TTC21A: variants seen among roughly 807,000 people sequenced by gnomAD.
TTC21A encodes the protein tetratricopeptide repeat domain 21A.
TTC21A carries 128 observed loss-of-function variants against 156.4 expected under a neutral mutation model. The ratio of observed to expected loss-of-function variants is 0.82; its 90% CI spans 0.71 to 0.95. The LOEUF (loss-of-function observed/expected upper bound fraction) is 0.95. Ranked by LOEUF, TTC21A falls within the 40% of genes least tolerant of loss-of-function variation. TTC21A has a pLI of 0.00. For missense variants in TTC21A, 1,435 were observed against 1,602.3 expected, an observed-to-expected ratio of 0.90 and a Z score of 1.78; for synonymous variants, 587 against 617.1, an observed-to-expected ratio of 0.95 and a Z score of 0.72.
chr3:39,109,164 G>T lies in TTC21A; in HGVS notation c.107G>T (p.Ser36Ile). The T allele has an allele frequency of 1.2e-6, 2 of 1,614,162 alleles. No individual in the cohort carries two copies. The highest frequency in any genetic ancestry group is 1.7e-6 in the Non-Finnish European group (2 of 1,180,000). ...QAAAVGLEKF[S>I]NDPVLKFFKA... Reference sequence around the variant, plus strand: ...GCAGCTGTGGGCCTGGAAAAATTCAGCAATGACCCTGTGTTGAAGTTCTTT... The same window carrying T: ...GCAGCTGTGGGCCTGGAAAAATTCATCAATGACCCTGTGTTGAAGTTCTTT... The change falls in exon 2 of 29, where the codon AGC becomes ATC. Residue 36 changes from serine (S) to isoleucine (I), a missense_variant. By Grantham distance (142) the Ser-to-Ile change is moderately radical. Transcript: ENST00000683103.
intron 9 of TTC21A, among the ~76,000 whole-genome samples, chr3:39,122,536 C>T (rs1056981112): frequency 3.3e-5 from 5 of 152,114 alleles, no homozygotes; most frequent in Non-Finnish European, 7.4e-5. Context: ...CTAAAAAAGA[C>T]GAGCTCAGGG....
chr3:39,110,592 C>T (rs1041107172), intron 3 of TTC21A, among the ~76,000 whole-genome samples: 2 of 152,254 alleles, frequency 1.3e-5, no homozygotes, highest in African/African-American at 2.4e-5. Context: ...GCTCAGCACA[C>T]TGCTGGGCAC....
At chr3:39,136,125 C>T (rs749650492) in intron 22 of TTC21A, 21 of 400,316 alleles carry the variant, frequency 5.2e-5, no homozygotes, top group Non-Finnish European at 9.3e-5. Context: ...GCACTTAATA[C>T]CAGGTACAAT....
chr3:39,127,909 C>G (rs1559698799), intron 12 of TTC21A, among the ~76,000 whole-genome samples: 1 of 152,218 alleles, frequency 6.6e-6, no homozygotes. Flanking sequence ...ATAAATCAGA[C>G]TTTCTAAAGT....
At position 39,134,388 on chromosome 3, in the gene TTC21A, G is replaced by T; in HGVS notation, c.2862+60G>T. On this transcript the variant is annotated intron_variant, in intron 21 of 28. Coordinates refer to ENST00000683103, the MANE Select transcript of TTC21A (RefSeq NM_001366900.1). The surrounding 1 kb of genome is among the most constrained non-coding windows in gnomAD (Gnocchi z 4.6). ...CTTCCTCCCTTCCCAGGGTCCCTGT[G>T]ACCAGATGCAGGCTACTTCCTAGCC... is the stretch of plus-strand genomic sequence containing the variant. 8.2e-7 allele frequency: 1 copy of T among 1,214,532 alleles called. No homozygotes were observed. The highest frequency in any genetic ancestry group is 1.2e-5 in the South Asian group (1 of 83,258). 75.2% of individuals were successfully genotyped at this position (1,214,532 alleles called of 1,614,324 possible). A position where few individuals can be genotyped will look rare whatever the true frequency, so the allele number is the denominator to read the frequency against.
chr3:39,119,818 T>G (rs143126270), intron 7 of TTC21A, 104 bp from the exon 8 acceptor site: 1 of 783,594 alleles, frequency 1.3e-6, no homozygotes, highest in African/African-American at 1.8e-5. Context: ...ATGGGCATTT[T>G]TTAAATCTCC....
chr3:39,119,860 A>C, intron 7 of TTC21A, 62 bp from the exon 8 acceptor site: 1 of 1,199,172 alleles, frequency 8.3e-7, no homozygotes, highest in Non-Finnish European at 1.2e-6. Flanking sequence ...CAGGGTTGAG[A>C]ACCACGGCGC....
Position 39,137,333 on chromosome 3 carries a change from G to GA in TTC21A, c.3398dup (p.Ala1134GlyfsTer2), listed in dbSNP as rs1181481082. ...GCCTCTGCCGGCTGGCCACCAGGGA[G>GA]AAGGCTAACATGGAGGCTGCGCTGG... is the stretch of plus-strand genomic sequence containing the variant. On this transcript the variant is annotated frameshift_variant, in exon 25 of 29. Coordinates refer to ENST00000683103, the MANE Select transcript of TTC21A (RefSeq NM_001366900.1). LOFTEE classifies it high-confidence loss of function. 1.2e-6 allele frequency: 2 copies of GA among 1,613,868 alleles called. No individual in the cohort carries two copies. The highest frequency in any genetic ancestry group is 1.7e-6 in the Non-Finnish European group (2 of 1,179,958).
At chr3:39,108,523 G>T (rs1162799319) in intron 1 of TTC21A, among the ~76,000 whole-genome samples, 2 of 152,190 alleles carry the variant, frequency 1.3e-5, no homozygotes. Flanking sequence ...CCCTTAGGAT[G>T]GTGTCTGGGC....
At chr3:39,117,280 G>T (rs1215620877) in intron 6 of TTC21A, among the ~76,000 whole-genome samples, 1 of 152,200 alleles carries the variant, frequency 6.6e-6, no homozygotes, top group African/African-American at 2.4e-5. Context: ...TATCAGAAAT[G>T]GTTAGAACTT....
In TTC21A at chr3:39,129,195, A is replaced by G. The variant is rs1235177261; in HGVS notation, c.2020A>G (p.Asn674Asp). Reference sequence around the variant, plus strand: ...CAAGGGCAATGTGGACGTGGCGCTGAACATGCTAAGGAACATCTTGCCCAA... The same window carrying G: ...CAAGGGCAATGTGGACGTGGCGCTGGACATGCTAAGGAACATCTTGCCCAA... The part of the protein sequence containing the change: ...LSKGNVDVAL[N>D]MLRNILPKQS... Residue 674 changes from asparagine to aspartate, a missense_variant, in exon 15 of 29, where the codon AAC becomes GAC. Coordinates refer to ENST00000683103, the MANE Select transcript of TTC21A (RefSeq NM_001366900.1). 6.2e-7 allele frequency: 1 copy of G among 1,614,226 alleles called. No homozygotes were observed. Among genetic ancestry groups the G allele is most frequent in the Admixed American group, 1.7e-5 (1 of 60,036 alleles).
chr3:39,132,122 A>G (rs1429383512), intron 19 of TTC21A, among the ~76,000 whole-genome samples: 1 of 152,178 alleles, frequency 6.6e-6, no homozygotes, highest in East Asian at 1.9e-4. Flanking sequence ...ACTCTACTGA[A>G]TACTGTAGAC....
chr3:39,118,138 A>G lies in TTC21A; in HGVS notation c.786A>G (p.Glu262=). ...TAACCGTGCATGAGCTTGCAAGAGA[A>G]GGAAACATGACCACAGTAAGTTCTT... ...QILTVHELAR[E]GNMTTATNHV... is the part of the protein sequence containing the mutation. Residue 262 remains glutamate (E), a synonymous_variant, in exon 7 of 29, where the codon GAA becomes GAG. Coordinates refer to ENST00000683103, the MANE Select transcript of TTC21A (RefSeq NM_001366900.1). 6.2e-7 allele frequency: 1 copy of G among 1,614,198 alleles called. No individual in the cohort carries two copies. The highest frequency in any genetic ancestry group is 8.5e-7 in the Non-Finnish European group (1 of 1,180,008).
chr3:39,107,978 C>T, intron 1 of TTC21A, 114 bp downstream of exon 1: 4 of 1,360,762 alleles, frequency 2.9e-6, no homozygotes, highest in Admixed American at 1.9e-5. Flanking sequence ...TTATATCAGG[C>T]GGTCCTGCCT....
Position 39,134,931 on chromosome 3 carries a change from C to A in TTC21A, c.2863-162C>A. The A allele has an allele frequency of 1.6e-6, 1 of 644,864 alleles. No homozygotes were observed. 39.9% of individuals were successfully genotyped at this position (644,864 alleles called of 1,614,324 possible). A position where few individuals can be genotyped will look rare whatever the true frequency, so the allele number is the denominator to read the frequency against. ...GGTGGGGGCCTGAGAAACCCTCAGG[C>A]TTCTCCTGTGGCAGCTTCTCACAAG... On this transcript the variant is annotated intron_variant, in intron 21 of 28. Coordinates refer to ENST00000683103, the MANE Select transcript of TTC21A (RefSeq NM_001366900.1). The surrounding 1 kb of genome is among the most constrained non-coding windows in gnomAD (Gnocchi z 4.6).
Position 39,112,414 on chromosome 3 carries a change from G to A in TTC21A, c.436-44G>A, listed in dbSNP as rs769156927. On this transcript the variant is annotated intron_variant, in intron 4 of 28. Coordinates refer to ENST00000683103, the MANE Select transcript of TTC21A (RefSeq NM_001366900.1). ...ATCATGTGCAGGCTGAGTTGATTCT[G>A]TGCAGGACCAAGGACTTCATCTTTC... The A allele has an allele frequency of 2.2e-5, 35 of 1,607,324 alleles. No individual in the cohort carries two copies. The South Asian group carries it at 3.9e-4, about 18-fold the overall frequency.
rs749609564 is a variant in TTC21A, at chr3:39,130,198, C to T, written c.2208+47C>T. ...CTTGCCAAGTGGCCCCCCAGTCTCC[C>T]TTCTCCAGTGGGAGAGAAGAGGAAG... On this transcript the variant is annotated intron_variant, in intron 16 of 28. Coordinates refer to ENST00000683103, the MANE Select transcript of TTC21A (RefSeq NM_001366900.1). This position sits in a 1 kb window ranked among gnomAD's most constrained non-coding sequence, Gnocchi z 4.5. The T allele has an allele frequency of 2.5e-6, 4 of 1,611,810 alleles. No homozygotes were observed. The highest frequency in any genetic ancestry group is 3.4e-6 in the Non-Finnish European group (4 of 1,178,498).
chr3:39,125,680 A>C (rs1167961835), intron 11 of TTC21A, 148 bp downstream of exon 11: 6 of 669,108 alleles, frequency 9.0e-6, no homozygotes, highest in Non-Finnish European at 1.3e-5. Context: ...AGTGCTCTTC[A>C]AACTTGAACA....
Position 39,136,360 on chromosome 3 carries a change from A to C in TTC21A, c.2948A>C (p.Asn983Thr), listed in dbSNP as rs1208333724. 2 of 1,611,040 alleles carry C rather than the reference A, an allele frequency of 1.2e-6. No individual in the cohort carries two copies. Among genetic ancestry groups the C allele is most frequent in the Non-Finnish European group, 8.5e-7 (1 of 1,178,498 alleles). The change falls in exon 23 of 29, where the codon AAT becomes ACT. Residue 983 changes from asparagine (N) to threonine (T), a missense_variant. Coordinates refer to ENST00000683103, the MANE Select transcript of TTC21A (RefSeq NM_001366900.1). ...YHQVLEKAPD[N>T]FLVLHKLIDL... ...AGATTTCTGTCTCTTATTTTAGACA[A>C]TTTTTTGGTATTGCATAAATTAATC...
Sources: gnomAD v4.1 joint callset for allele counts (sites outside exome capture counted in the v4.1 genomes callset) on GRCh38, gnomAD v4.1.1 for gene constraint, Gnocchi (gnomAD v3.1) non-coding constraint, MANE v1.5 for transcripts, NCBI Gene and HGNC (gene_info 2026-07-23, HGNC 2026-07-21) for gene names.